FAM216A: variants seen among roughly 807,000 people sequenced by gnomAD.
The protein encoded by FAM216A is protein FAM216A.
Under a neutral mutation model 37.6 loss-of-function variants are expected in FAM216A, and 26 were observed. That is an observed-to-expected ratio of 0.69 (90% CI 0.51 to 0.96). FAM216A has a LOEUF of 0.96. FAM216A is among the 40% of genes least tolerant of loss of function. The pLI is 0.00. For missense variants in FAM216A, 326 were observed against 339.3 expected (o/e 0.96, Z 0.31); for synonymous variants, 110 against 121.7 (o/e 0.90, Z 0.64).
intron 2 of FAM216A, among the ~76,000 whole-genome samples, chr12:110,478,055 C>T (rs2062724732): frequency 1.3e-5 from 2 of 152,114 alleles, no homozygotes; most frequent in South Asian, 4.1e-4. Context: ...TTTCAGATGG[C>T]TTTCTAATGA....
At position 110,486,534 on chromosome 12, in the gene FAM216A, G is replaced by T; in HGVS notation, c.437G>T (p.Gly146Val). 1 of 1,612,064 alleles carries T rather than the reference G, an allele frequency of 6.2e-7. No individual in the cohort carries two copies. Among genetic ancestry groups the T allele is most frequent in the Non-Finnish European group, 8.5e-7 (1 of 1,178,454 alleles). ...HVLQHSSQKPGVLTHHRSRLS... is the reference protein window; with the variant it reads ...HVLQHSSQKPVVLTHHRSRLS... Reference sequence around the variant, plus strand: ...TTTTAACAGGTGATTTGTATCACAGGTGTCCTCACTCATCACAGAAGCCGC... The same window carrying T: ...TTTTAACAGGTGATTTGTATCACAGTTGTCCTCACTCATCACAGAAGCCGC... The change falls in exon 5 of 7, where the codon GGT becomes GTT. Residue 146 changes from glycine to valine, a missense_variant and splice_region_variant. Physicochemically the swap from Gly to Val is moderately radical, Grantham distance 109. Transcript: ENST00000377673.
chr12:110,486,762 T>G (rs979955486), intron 5 of FAM216A, 45 bp downstream of exon 5: 2 of 1,241,340 alleles, frequency 1.6e-6, no homozygotes, highest in Non-Finnish European at 1.1e-6. Flanking sequence ...CTCAGTTTAA[T>G]TTTTTTTTTT....
intron 6 of FAM216A, 58 bp downstream of exon 6, chr12:110,488,001 T>C (rs111424580): frequency 5.7e-5 from 54 of 946,010 alleles, no homozygotes; most frequent in Admixed American, 2.0e-4. Flanking sequence ...AAAAATACTA[T>C]ACCAAATACA....
intron 2 of FAM216A, among the ~76,000 whole-genome samples, chr12:110,474,412 G>A (rs751573963): frequency 7.2e-5 from 11 of 151,846 alleles, no homozygotes; most frequent in Admixed American, 2.6e-4. Context: ...CTACTAGGCC[G>A]GGCACGGTGG....
chr12:110,477,082 G>A (rs2062718593), intron 2 of FAM216A, among the ~76,000 whole-genome samples: 1 of 152,200 alleles, frequency 6.6e-6, no homozygotes, highest in South Asian at 2.1e-4. Context: ...CCTCCGATGA[G>A]ATTCAGCTTA....
At chr12:110,485,446 G>A (rs1309075334) in intron 3 of FAM216A, among the ~76,000 whole-genome samples, 1 of 151,830 alleles carries the variant, frequency 6.6e-6, no homozygotes, top group East Asian at 1.9e-4. Flanking sequence ...TTACTGAGGG[G>A]AAGCTTAATG....
chr12:110,473,781 T>C (rs1319112210), intron 2 of FAM216A, among the ~76,000 whole-genome samples: 1 of 152,202 alleles, frequency 6.6e-6, no homozygotes, highest in Non-Finnish European at 1.5e-5. Context: ...TTCTCAGTGC[T>C]GATGTTTTCC....
In FAM216A at chr12:110,469,002, G is replaced by T; in HGVS notation, c.127G>T (p.Glu43Ter). Reference sequence around the variant, plus strand: ...AGAGCCGCCCGCTGTGGCCGGGACCGAGGGTGGCGGCGGCGGGTGAGGTTG... The same window carrying T: ...AGAGCCGCCCGCTGTGGCCGGGACCTAGGGTGGCGGCGGCGGGTGAGGTTG... Reference protein sequence around the residue: ...SAEPPAVAGTEGGGGGSAGYS... With the variant: ...SAEPPAVAGT The change falls in exon 1 of 7, where the codon GAG (glutamate) becomes TAG (stop). Residue 43 changes from glutamate to a stop codon, truncating the protein, a stop_gained. Coordinates refer to ENST00000377673, the MANE Select transcript of FAM216A (RefSeq NM_013300.3). LOFTEE classifies it high-confidence loss of function. The T allele has an allele frequency of 6.7e-7, 1 of 1,484,512 alleles. No individual in the cohort carries two copies. Among genetic ancestry groups the T allele is most frequent in the Non-Finnish European group, 8.9e-7 (1 of 1,118,756 alleles). The allele number at this position is 1,484,512 out of a possible 1,614,324, so 92.0% of individuals were successfully genotyped here.
intron 5 of FAM216A, 31 bp from the exon 6 acceptor site, chr12:110,487,830 G>A (rs1385061488): frequency 1.5e-6 from 2 of 1,359,588 alleles, no homozygotes; most frequent in Admixed American, 1.8e-5. Context: ...CACTTTGCTG[G>A]CTCCAACTAA....
At chr12:110,481,297 A>G (rs1406412497) in intron 2 of FAM216A, among the ~76,000 whole-genome samples, 1 of 152,154 alleles carries the variant, frequency 6.6e-6, no homozygotes, top group Non-Finnish European at 1.5e-5. Context: ...AAGTGGAATT[A>G]TTAGATTATA....
Position 110,468,923 on chromosome 12 carries a change from G to A in FAM216A, c.48G>A (p.Ala16=). ...LPHTARGLGA[A]EMPGQGPGSD... is the part of the protein sequence containing the mutation. Reference sequence around the variant, plus strand: ...ACACGGCTCGCGGTCTCGGCGCCGCGGAGATGCCCGGCCAGGGTCCGGGGT... The same window carrying A: ...ACACGGCTCGCGGTCTCGGCGCCGCAGAGATGCCCGGCCAGGGTCCGGGGT... Residue 16 remains alanine, a synonymous_variant, in exon 1 of 7, where the codon GCG becomes GCA. Transcript: ENST00000377673. 5 of 1,523,218 alleles carry A rather than the reference G, an allele frequency of 3.3e-6. No homozygotes were observed. Among genetic ancestry groups the A allele is most frequent in the East Asian group, 2.5e-5 (1 of 40,502 alleles). 94.4% of individuals were successfully genotyped at this position (1,523,218 alleles called of 1,614,324 possible).
chr12:110,486,815 G>A, intron 5 of FAM216A, 98 bp downstream of exon 5: 2 of 1,084,180 alleles, frequency 1.8e-6, no homozygotes, highest in South Asian at 3.0e-5. Flanking sequence ...GGAGTGTAGT[G>A]GTGTGATACA....
intron 3 of FAM216A, 45 bp downstream of exon 3, chr12:110,485,244 C>A: frequency 6.4e-7 from 1 of 1,555,182 alleles, no homozygotes; most frequent in Non-Finnish European, 8.7e-7. Flanking sequence ...TCTTTGTATT[C>A]AGAGCCGAAC....
intron 2 of FAM216A, among the ~76,000 whole-genome samples, chr12:110,479,868 C>T (rs2062736206): frequency 6.6e-6 from 1 of 151,016 alleles, no homozygotes; most frequent in African/African-American, 2.4e-5. Flanking sequence ...AAAAACAAAA[C>T]AACAAAAAAA....
intron 2 of FAM216A, among the ~76,000 whole-genome samples, chr12:110,478,504 A>C (rs1421825693): frequency 6.6e-6 from 1 of 152,212 alleles, no homozygotes; most frequent in East Asian, 1.9e-4. Context: ...AGCCCAAGGC[A>C]GAGGAGTTTC....
intron 2 of FAM216A, among the ~76,000 whole-genome samples, chr12:110,484,065 TGA>T (rs1170768262): frequency 6.6e-6 from 1 of 151,754 alleles, no homozygotes; most frequent in Non-Finnish European, 1.5e-5. Flanking sequence ...CAGTGAGCTA[TGA>T]TTATGCCACT....
rs146570121 is a variant in FAM216A at position 110,482,897 on chromosome 12, C to T, written c.185-2181C>T. On this transcript the variant is annotated intron_variant, in intron 2 of 6. Coordinates refer to ENST00000377673, the MANE Select transcript of FAM216A (RefSeq NM_013300.3). Reference sequence around the variant, plus strand: ...TCGTTAGGTTGAGTGAAAAACCAGACAAAAAATGAGTACTGTGTATTCCCA... The same window carrying T: ...TCGTTAGGTTGAGTGAAAAACCAGATAAAAAATGAGTACTGTGTATTCCCA... Among the ~76,000 whole-genome samples the T allele has an allele frequency of 1.5e-3, 222 of 151,702 alleles. 1 individual carries two copies. The highest frequency in any genetic ancestry group is 5.2e-3 in the African/African-American group (214 of 41,352).
Position 110,481,978 on chromosome 12 carries a change from A to C in FAM216A, c.185-3100A>C, listed in dbSNP as rs180700957. ...CCTTACCTGTAGTATCCAACTTGCC[A>C]AAATCTTGAAGAAATAACTAAATTT... On this transcript the variant is annotated intron_variant, in intron 2 of 6. Transcript: ENST00000377673. Among the ~76,000 whole-genome samples the C allele has an allele frequency of 3.3e-5, 5 of 152,360 alleles. No individual in the cohort carries two copies. The East Asian group carries it at 9.6e-4, about 29-fold the overall frequency.
intron 2 of FAM216A, among the ~76,000 whole-genome samples, chr12:110,480,711 A>G (rs1465928483): frequency 1.3e-5 from 2 of 152,114 alleles, no homozygotes; most frequent in Non-Finnish European, 2.9e-5. Context: ...GAAAGTTTTC[A>G]TCTTCCCAAA....
Sources: allele counts gnomAD v4.1 joint callset (sites outside exome capture counted in the v4.1 genomes callset), GRCh38; gene constraint gnomAD v4.1.1; transcripts MANE v1.5; gene names NCBI Gene and HGNC (gene_info 2026-07-23, HGNC 2026-07-21).